Variants in FUT8 observed in about 807,000 individuals in gnomAD.
FUT8 encodes alpha-(1,6)-fucosyltransferase.
A neutral mutation model predicts 71.3 loss-of-function variants in FUT8; 29 were observed. The ratio of observed to expected loss-of-function variants is 0.41; its 90% confidence interval spans 0.30 to 0.55. FUT8 has a LOEUF of 0.55. Ranked by LOEUF, FUT8 falls within the 20% of genes least tolerant of loss-of-function variation. The pLI is 0.34. For missense variants in FUT8, 544 were observed against 702.1 expected, an observed-to-expected ratio of 0.77 and a Z score of 2.55; for synonymous variants, 254 against 239.3, an observed-to-expected ratio of 1.06 and a Z score of -0.57.
intron 2 of FUT8, among the ~76,000 whole-genome samples, chr14:65,516,077 T>A (rs1882687058): frequency 6.6e-6 from 1 of 152,038 alleles, no homozygotes; most frequent in Admixed American, 6.6e-5. Context: ...GGTGGGAGGA[T>A]CCCTTGAGCC....
At chr14:65,547,489 A>T (rs11848647) in intron 2 of FUT8, among the ~76,000 whole-genome samples, 10,105 of 151,626 alleles carry the variant, frequency 0.067, 408 homozygotes, top group Admixed American at 0.11. Context: ...AGGAGGGGGC[A>T]GGGTGGAAAA....
intron 1 of FUT8, among the ~76,000 whole-genome samples, chr14:65,451,978 G>A (rs560023016): frequency 7.7e-4 from 117 of 152,250 alleles, no homozygotes; most frequent in African/African-American, 2.6e-3. Context: ...CAGGCTTTTT[G>A]GCTTGAGGGT....
rs1334160950 is a variant in FUT8 at position 65,434,401 on chromosome 14, C to T, written c.-326+21187C>T. Among the ~76,000 whole-genome samples the T allele has an allele frequency of 2.0e-5, 3 of 152,216 alleles. No individual in the cohort carries two copies. In the East Asian group the frequency reaches 5.8e-4, roughly 29 times the overall value. ...AGGATGGCCTCTGACAGGCTTATCT[C>T]TGGGCTAATCACTGTGGGGAATTGT... On this transcript the variant is annotated intron_variant, in intron 1 of 10. Transcript: ENST00000673929.
intron 5 of FUT8, among the ~76,000 whole-genome samples, chr14:65,621,212 A>G (rs776334559): frequency 6.6e-6 from 1 of 151,982 alleles, no homozygotes; most frequent in Non-Finnish European, 1.5e-5. Context: ...TTATCAGCAC[A>G]GTAGTCCTAC....
intron 7 of FUT8, among the ~76,000 whole-genome samples, chr14:65,715,021 A>C (rs1894982180): frequency 6.6e-6 from 1 of 152,182 alleles, no homozygotes; most frequent in Non-Finnish European, 1.5e-5. Context: ...TATCATGTGC[A>C]AACAACAAGA....
chr14:65,594,842 T>C (rs6573619), intron 3 of FUT8, among the ~76,000 whole-genome samples: 104,758 of 151,824 alleles, frequency 0.69, 36,380 homozygotes, highest in East Asian at 0.85. Context: ...GCCACTTCTC[T>C]CCTCTGCCGG....
At chr14:65,445,667 A>C (rs939752312) in intron 1 of FUT8, among the ~76,000 whole-genome samples, 1 of 152,262 alleles carries the variant, frequency 6.6e-6, no homozygotes, top group Non-Finnish European at 1.5e-5. Context: ...TCTACTTTAT[A>C]AGGCATTTGG....
At chr14:65,407,937 C>G (rs2065093881), upstream of FUT8, among the ~76,000 whole-genome samples, 1 of 152,256 alleles carries the variant, frequency 6.6e-6, no homozygotes, top group African/African-American at 2.4e-5. Context: ...AACTCCTTCC[C>G]CCAGATATGG....
intron 3 of FUT8, among the ~76,000 whole-genome samples, chr14:65,597,548 G>A (rs565095178): frequency 2.0e-5 from 3 of 151,980 alleles, no homozygotes; most frequent in South Asian, 2.1e-4. Flanking sequence ...GTGTGAACCC[G>A]GGAGGCGGAG....
intron 7 of FUT8, among the ~76,000 whole-genome samples, chr14:65,688,520 C>CAAAAAAAAAA (rs34293733): frequency 1.8e-5 from 1 of 55,122 alleles, no homozygotes; most frequent in African/African-American, 7.5e-5. Flanking sequence ...ATCCACATGC[C>CAAAAAAAAAA]AAAAAAAAAA....
upstream of FUT8, among the ~76,000 whole-genome samples, chr14:65,407,209 A>G (rs149887534): frequency 5.8e-4 from 89 of 152,352 alleles, no homozygotes; most frequent in African/African-American, 2.0e-3. Flanking sequence ...ATACTGGCTC[A>G]ATACTTCTCT....
At chr14:65,473,035 A>G (rs146797059) in intron 2 of FUT8, among the ~76,000 whole-genome samples, 1 of 152,256 alleles carries the variant, frequency 6.6e-6, no homozygotes, top group East Asian at 1.9e-4. Context: ...ATGCAGTCCC[A>G]TGATCTTAAC....
intron 3 of FUT8, among the ~76,000 whole-genome samples, chr14:65,590,330 G>C (rs1032434856): frequency 6.6e-6 from 1 of 152,142 alleles, no homozygotes; most frequent in African/African-American, 2.4e-5. Flanking sequence ...AGCATATCCA[G>C]TTCATTTATC....
upstream of FUT8, chr14:65,411,902 C>T (rs2065130274): frequency 1.1e-5 from 4 of 380,306 alleles, no homozygotes; most frequent in Non-Finnish European, 2.1e-5. Context: ...CTCCGGTCCT[C>T]CCGCTCAGCT....
chr14:65,454,972 A>G (rs1343399121), intron 1 of FUT8, among the ~76,000 whole-genome samples: 3 of 152,204 alleles, frequency 2.0e-5, no homozygotes, highest in Non-Finnish European at 2.9e-5. Context: ...CTGAAGATTA[A>G]TGGAGTATAG....
chr14:65,667,795 A>G (rs895526508), intron 6 of FUT8, among the ~76,000 whole-genome samples: 1 of 152,168 alleles, frequency 6.6e-6, no homozygotes, highest in Non-Finnish European at 1.5e-5. Context: ...TGCAGTAACC[A>G]TGGTATGGGT....
chr14:65,369,060 A>G, the FUT8 span, among the ~76,000 whole-genome samples: 1 of 152,254 alleles, frequency 6.6e-6, no homozygotes, highest in African/African-American at 2.4e-5. The surrounding 1 kb of genome is among the most constrained non-coding windows in gnomAD (Gnocchi z 4.6). Flanking sequence ...GATATTTTAC[A>G]TTTTTTATAC....
At position 65,660,184 on chromosome 14, in the gene FUT8, A is replaced by G. The variant is rs1891890595; in HGVS notation, c.598-9059A>G. On this transcript the variant is annotated intron_variant, in intron 6 of 10. Transcript: ENST00000673929. This position sits in a 1 kb window ranked among gnomAD's most constrained non-coding sequence, Gnocchi z 4.1. ...ATTACCAAGGTTATTCTAGCATGCA[A>G]GTCTCTTGAAACTAAGTTGAGGGTT... 6.6e-6 allele frequency among the ~76,000 whole-genome samples: 1 copy of G among 152,126 alleles called. No individual in the cohort carries two copies. Among genetic ancestry groups the G allele is most frequent in the Non-Finnish European group, 1.5e-5 (1 of 68,008 alleles).
intron 3 of FUT8, among the ~76,000 whole-genome samples, chr14:65,596,722 C>T (rs1888001253): frequency 6.6e-6 from 1 of 152,032 alleles, no homozygotes; most frequent in African/African-American, 2.4e-5. Context: ...GATGATATAA[C>T]ACTTTTTTTT....
Sources: allele counts gnomAD v4.1 joint callset (sites outside exome capture counted in the v4.1 genomes callset), GRCh38; gene constraint gnomAD v4.1.1; non-coding constraint Gnocchi (gnomAD v3.1); transcripts MANE v1.5; gene names NCBI Gene and HGNC (gene_info 2026-07-23, HGNC 2026-07-21).